Variants in SORCS2 observed in about 807,000 individuals in gnomAD.
The protein encoded by SORCS2 is sortilin related VPS10 domain containing receptor 2, also known as VPS10 domain-containing receptor SorCS2.
In SORCS2, 100 loss-of-function variants were observed where a neutral mutation model predicts 141.6. The ratio of observed to expected loss-of-function variants is 0.71; its 90% CI spans 0.60 to 0.83. The LOEUF is 0.83. Among genes scored for constraint, SORCS2 ranks in the 40% least tolerant of loss-of-function variants. SORCS2 has a pLI of 0.00. For synonymous variants in SORCS2, 789 were observed against 676.9 expected, an observed-to-expected ratio of 1.17 and a Z score of -2.57; for missense variants, 1,646 against 1,560.2, an observed-to-expected ratio of 1.05 and a Z score of -0.93.
intron 4 of SORCS2, among the ~76,000 whole-genome samples, chr4:7,640,503 TGA>T (rs1720660096): frequency 1.1e-5 from 1 of 89,852 alleles, no homozygotes; most frequent in Admixed American, 1.3e-4. Flanking sequence ...TGAGCGTATG[TGA>T]GAGTGTGTGA....
At chr4:7,725,443 C>T (rs904557354) in intron 20 of SORCS2, among the ~76,000 whole-genome samples, 156 bp downstream of exon 20, 6 of 152,196 alleles carry the variant, frequency 3.9e-5, no homozygotes, top group African/African-American at 1.2e-4. Context: ...GAGAGGGGCA[C>T]ACCCTCCGTG....
rs551491206 is a variant in SORCS2 at position 7,602,209 on chromosome 4, C to G, written c.649-36119C>G. On this transcript the variant is annotated intron_variant, in intron 3 of 26. Transcript: ENST00000507866. ...TACACCTCCCAGACGGGGTGGCTGC[C>G]GGGCAGAGGGGCCCTCACCTCCCAG... Among the ~76,000 whole-genome samples the G allele has an allele frequency of 2.6e-5, 4 of 152,170 alleles. No homozygotes were observed. The South Asian group carries it at 6.2e-4, about 24-fold the overall frequency.
At chr4:7,571,117 C>A (rs1176776408) in intron 3 of SORCS2, among the ~76,000 whole-genome samples, 1 of 152,238 alleles carries the variant, frequency 6.6e-6, no homozygotes, top group Non-Finnish European at 1.5e-5. Flanking sequence ...GCCCTGGACA[C>A]CTCTCATGCT....
intron 1 of SORCS2, among the ~76,000 whole-genome samples, chr4:7,223,931 C>T (rs998078477): frequency 6.6e-6 from 1 of 152,172 alleles, no homozygotes. Flanking sequence ...CTCGTCTGTT[C>T]AGAGGGATGA....
rs1712681042 is a variant in SORCS2, at chr4:7,741,588, G to A, written c.*1324G>A. The A allele has an allele frequency of 8.9e-6, 2 of 225,566 alleles. No individual in the cohort carries two copies. The highest frequency in any genetic ancestry group is 1.2e-4 in the Admixed American group (2 of 16,526). 14.0% of individuals were successfully genotyped at this position (225,566 alleles called of 1,614,324 possible). A position where few individuals can be genotyped will look rare whatever the true frequency, so the allele number is the denominator to read the frequency against. The stretch of plus-strand genomic sequence containing the variant: ...GGGGGAGAACGCCAGAGCCCTGGCT[G>A]GTGATGTGCTGGCTGGGGGTGAATC... On this transcript the variant is annotated 3_prime_UTR_variant, in exon 27 of 27. Coordinates refer to ENST00000507866, the MANE Select transcript of SORCS2 (RefSeq NM_020777.3).
At chr4:7,288,030 A>C (rs1716343007) in intron 1 of SORCS2, among the ~76,000 whole-genome samples, 2 of 152,220 alleles carry the variant, frequency 1.3e-5, no homozygotes. Flanking sequence ...CGTCGATGGC[A>C]GGAGGCGTCC....
intron 1 of SORCS2, among the ~76,000 whole-genome samples, chr4:7,387,943 CAT>C (rs1723558239): frequency 1.2e-5 from 1 of 80,568 alleles, no homozygotes; most frequent in Non-Finnish European, 2.5e-5. Flanking sequence ...CACCGATACA[CAT>C]ACACACATGC....
intron 1 of SORCS2, among the ~76,000 whole-genome samples, chr4:7,272,777 A>C (rs1341414525): frequency 6.6e-6 from 1 of 152,274 alleles, no homozygotes; most frequent in Non-Finnish European, 1.5e-5. Flanking sequence ...CTCGCGCTTC[A>C]GGGCGTAAGC....
In SORCS2 at chr4:7,286,691, CTGCCTTCTGGCCTGGCACTTTTTCCACAA is replaced by C. The variant is rs1286202581; in HGVS notation, c.480+93571_480+93599del. Among the ~76,000 whole-genome samples the C allele has an allele frequency of 6.6e-6, 1 of 152,216 alleles. No homozygotes were observed. The highest frequency in any genetic ancestry group is 1.5e-5 in the Non-Finnish European group (1 of 68,030). Reference sequence around the variant, plus strand: ...GAGCTGGGACTCGACTCTGGGCCTCCTGCCTTCTGGCCTGGCACTTTTTCCACAATGCCTCAGAGGTTGCACATGTTCAC... The same window carrying C: ...GAGCTGGGACTCGACTCTGGGCCTCCTGCCTCAGAGGTTGCACATGTTCAC... On this transcript the variant is annotated intron_variant, in intron 1 of 26. Transcript: ENST00000507866. This position sits in a 1 kb window ranked among gnomAD's most constrained non-coding sequence, Gnocchi z 4.1.
At chr4:7,651,549 G>A (rs1577898250) in intron 4 of SORCS2, among the ~76,000 whole-genome samples, 1 of 152,222 alleles carries the variant, frequency 6.6e-6, no homozygotes, top group African/African-American at 2.4e-5. Flanking sequence ...GACTCCAGAA[G>A]GGATGGCACC....
At chr4:7,655,593 G>A (rs770370373) in intron 5 of SORCS2, among the ~76,000 whole-genome samples, 1 of 152,238 alleles carries the variant, frequency 6.6e-6, no homozygotes, top group Admixed American at 6.5e-5. Flanking sequence ...TGGTGTACAC[G>A]CCGTTGGCTC....
At chr4:7,209,339 G>C (rs1028264009) in intron 1 of SORCS2, among the ~76,000 whole-genome samples, 7 of 152,126 alleles carry the variant, frequency 4.6e-5, no homozygotes, top group African/African-American at 1.7e-4. Context: ...CCCAGGGCTC[G>C]GACTCCATCC....
intron 3 of SORCS2, among the ~76,000 whole-genome samples, chr4:7,631,661 C>A (rs1268018429): frequency 6.6e-6 from 1 of 152,156 alleles, no homozygotes; most frequent in East Asian, 1.9e-4. Flanking sequence ...GGGCAGAAAT[C>A]CCATGGGGTT....
At chr4:7,650,490 G>C (rs1721365332) in intron 4 of SORCS2, among the ~76,000 whole-genome samples, 4 of 152,224 alleles carry the variant, frequency 2.6e-5, no homozygotes, top group Admixed American at 2.6e-4. Flanking sequence ...AACAGCGTTG[G>C]AGCGCACGCA....
chr4:7,510,699 G>A (rs1294324339), intron 2 of SORCS2, among the ~76,000 whole-genome samples: 1 of 150,134 alleles, frequency 6.7e-6, no homozygotes, highest in African/African-American at 2.4e-5. Flanking sequence ...TGTTCTGGGC[G>A]CGGCATGTCC....
intron 3 of SORCS2, among the ~76,000 whole-genome samples, chr4:7,615,438 G>C (rs942091718): frequency 1.3e-5 from 2 of 152,224 alleles, no homozygotes; most frequent in Non-Finnish European, 2.9e-5. Context: ...GCATGTGCCA[G>C]GGAGGGAGAG....
chr4:7,257,552 A>T (rs2108815772), intron 1 of SORCS2, among the ~76,000 whole-genome samples: 1 of 152,194 alleles, frequency 6.6e-6, no homozygotes, highest in South Asian at 2.1e-4. Context: ...CTCCTGCCCC[A>T]CAGGTCTCCC....
At position 7,478,352 on chromosome 4, in the gene SORCS2, G is replaced by A. The variant is rs114830927; in HGVS notation, c.549-53178G>A. On this transcript the variant is annotated intron_variant, in intron 2 of 26. Coordinates refer to ENST00000507866, the MANE Select transcript of SORCS2 (RefSeq NM_020777.3). ...CCAGCTCCCCCTCCTCCAGGGCTTT[G>A]TTGAAATGTGCCTTCCAGGTGAGGC... 8.4e-3 allele frequency among the ~76,000 whole-genome samples: 1,271 copies of A among 152,160 alleles called. 16 individuals carry two copies. The highest frequency in any genetic ancestry group is 0.029 in the African/African-American group (1,219 of 41,498).
chr4:7,229,440 C>A (rs991530613), intron 1 of SORCS2, among the ~76,000 whole-genome samples: 1 of 152,210 alleles, frequency 6.6e-6, no homozygotes. Flanking sequence ...GCTCTAGAAC[C>A]TTTCCAGAAA....
Sources: allele counts gnomAD v4.1 joint callset (sites outside exome capture counted in the v4.1 genomes callset), GRCh38; gene constraint gnomAD v4.1.1; non-coding constraint Gnocchi (gnomAD v3.1); transcripts MANE v1.5; gene names NCBI Gene and HGNC (gene_info 2026-07-23, HGNC 2026-07-21).